TRIM71: variants seen among roughly 807,000 people sequenced by gnomAD.
TRIM71 encodes the protein E3 ubiquitin-protein ligase TRIM71.
In TRIM71, 9 loss-of-function variants were observed where a neutral mutation model predicts 61.2. The ratio of observed to expected loss-of-function variants is 0.15; its 90% confidence interval spans 0.09 to 0.26. TRIM71 has a LOEUF of 0.26. Among genes scored for constraint, TRIM71 ranks in the 10% least tolerant of loss-of-function variants. The pLI, the probability that TRIM71 is intolerant of heterozygous loss-of-function variation, is 1.00. For synonymous variants in TRIM71, 645 were observed against 553.2 expected, an observed-to-expected ratio of 1.17 and a Z score of -2.33; for missense variants, 998 against 1,238.7, an observed-to-expected ratio of 0.81 and a Z score of 2.92.
At chr3:32,872,629 A>G (rs1339932781) in intron 1 of TRIM71, among the ~76,000 whole-genome samples, 1 of 152,134 alleles carries the variant, frequency 6.6e-6, no homozygotes, top group Non-Finnish European at 1.5e-5. Context: ...GGAATCTCAC[A>G]TCCTGGATCT....
At chr3:32,879,157 G>T (rs1464712084) in intron 2 of TRIM71, among the ~76,000 whole-genome samples, 1 of 152,178 alleles carries the variant, frequency 6.6e-6, no homozygotes, top group Non-Finnish European at 1.5e-5. Context: ...ACCCTTCATA[G>T]CATTGAAGAG....
chr3:32,873,644 G>C (rs1696821614), intron 1 of TRIM71, among the ~76,000 whole-genome samples, 174 bp from the exon 2 acceptor site: 1 of 152,194 alleles, frequency 6.6e-6, no homozygotes, highest in Non-Finnish European at 1.5e-5. Flanking sequence ...AAAGGAAGCA[G>C]ATATTTTTAG....
intron 1 of TRIM71, among the ~76,000 whole-genome samples, chr3:32,861,407 C>A (rs914235779): frequency 6.0e-5 from 9 of 150,226 alleles, no homozygotes; most frequent in Admixed American, 3.3e-4. Context: ...GCTGGGATTA[C>A]AGGCATGAGC....
chr3:32,893,620 TAAGAG>T lies in TRIM71; in HGVS notation c.*1812_*1816del, dbSNP rs1575363206. 6.6e-6 allele frequency: 1 copy of T among 152,210 alleles called. No individual in the cohort carries two copies. Among genetic ancestry groups the T allele is most frequent in the East Asian group, 1.9e-4 (1 of 5,188 alleles). 9.4% of individuals were successfully genotyped at this position (152,210 alleles called of 1,614,324 possible). A position where few individuals can be genotyped will look rare whatever the true frequency, so the allele number is the denominator to read the frequency against. On this transcript the variant is annotated 3_prime_UTR_variant, in exon 4 of 4. Transcript: ENST00000383763. ...ATGGATCAACTTCTGTTCCTCTGTT[TAAGAG>T]AAATTTCTATTGCAAAATGGGTATC...
chr3:32,861,490 C>T (rs1217868862), intron 1 of TRIM71, among the ~76,000 whole-genome samples: 1 of 151,586 alleles, frequency 6.6e-6, no homozygotes, highest in African/African-American at 2.4e-5. Context: ...CCAAACACCT[C>T]GGCAGGCCAA....
Position 32,875,225 on chromosome 3 carries a change from C to T in TRIM71, c.1020+1240C>T, listed in dbSNP as rs189615945. On this transcript the variant is annotated intron_variant, in intron 2 of 3. Transcript: ENST00000383763. Reference sequence around the variant, plus strand: ...GAGGTTCGGTGTCTTCAGTCCTTTCCTGGATGGTGAATCCCCTGTAATTGA... The same window carrying T: ...GAGGTTCGGTGTCTTCAGTCCTTTCTTGGATGGTGAATCCCCTGTAATTGA... 8.4e-4 allele frequency among the ~76,000 whole-genome samples: 128 copies of T among 152,320 alleles called. No individual in the cohort carries two copies. The South Asian group carries it at 9.1e-3, about 11-fold the overall frequency.
intron 2 of TRIM71, among the ~76,000 whole-genome samples, chr3:32,885,226 C>G (rs1696947507): frequency 1.3e-5 from 2 of 152,196 alleles, no homozygotes; most frequent in South Asian, 4.1e-4. Context: ...GATTTAATAG[C>G]TCGGTATCTC....
At chr3:32,870,383 T>G (rs1312930544) in intron 1 of TRIM71, among the ~76,000 whole-genome samples, 2 of 152,192 alleles carry the variant, frequency 1.3e-5, no homozygotes, top group Non-Finnish European at 2.9e-5. Context: ...TGTCCCCATC[T>G]CTGTTGCAGG....
In TRIM71 at chr3:32,895,492, T is replaced by TA. The variant is rs1697067983; in HGVS notation, c.*3682dup. 6.6e-6 allele frequency: 1 copy of TA among 152,254 alleles called. No individual in the cohort carries two copies. Among genetic ancestry groups the TA allele is most frequent in the South Asian group, 2.1e-4 (1 of 4,834 alleles). The allele number at this position is 152,254 out of a possible 1,614,324, so 9.4% of individuals were successfully genotyped here. A position where few individuals can be genotyped will look rare whatever the true frequency, so the allele number is the denominator to read the frequency against. On this transcript the variant is annotated 3_prime_UTR_variant, in exon 4 of 4. Coordinates refer to ENST00000383763, the MANE Select transcript of TRIM71 (RefSeq NM_001039111.3). ...AGCAAAATACTGTTTATATATGTGT[T>TA]ACCTTCCTCGTTGGAAGATTCTACG...
intron 1 of TRIM71, among the ~76,000 whole-genome samples, chr3:32,870,124 A>G (rs963347375): frequency 2.0e-5 from 3 of 152,226 alleles, no homozygotes; most frequent in Admixed American, 1.3e-4. Context: ...TTGTTTTAAC[A>G]GCTCTAAAAT....
intron 1 of TRIM71, among the ~76,000 whole-genome samples, chr3:32,842,285 C>G (rs1439688300): frequency 1.3e-5 from 2 of 152,174 alleles, no homozygotes. Context: ...AGAGCCAAAC[C>G]ATGGTCTCAA....
intron 1 of TRIM71, among the ~76,000 whole-genome samples, chr3:32,830,306 G>T (rs1173117834): frequency 2.0e-5 from 3 of 152,084 alleles, no homozygotes; most frequent in Non-Finnish European, 4.4e-5. Context: ...AAGCATAAAT[G>T]GGCTCTGGTC....
At chr3:32,852,112 T>A (rs1013550710) in intron 1 of TRIM71, among the ~76,000 whole-genome samples, 2 of 152,136 alleles carry the variant, frequency 1.3e-5, no homozygotes, top group African/African-American at 2.4e-5. Context: ...CCAGGCTGTT[T>A]TATGGTCGGT....
intron 1 of TRIM71, among the ~76,000 whole-genome samples, chr3:32,828,341 T>C (rs747186562): frequency 3.3e-5 from 5 of 152,108 alleles, no homozygotes; most frequent in Non-Finnish European, 7.4e-5. Flanking sequence ...CAAGTGTCTA[T>C]TATTTGGCTT....
chr3:32,861,171 A>C (rs1190452655), intron 1 of TRIM71, among the ~76,000 whole-genome samples: 1 of 151,824 alleles, frequency 6.6e-6, no homozygotes, highest in Non-Finnish European at 1.5e-5. Context: ...TCTCAATAAA[A>C]TAAAGTAAAT....
chr3:32,895,501 C>T lies in TRIM71; in HGVS notation c.*3690C>T, dbSNP rs560790154. ...CTGTTTATATATGTGTTACCTTCCT[C>T]GTTGGAAGATTCTACGATTGCTCTG... On this transcript the variant is annotated 3_prime_UTR_variant, in exon 4 of 4. Transcript: ENST00000383763. The T allele has an allele frequency of 2.0e-5, 3 of 152,284 alleles. No homozygotes were observed. The highest frequency in any genetic ancestry group is 7.2e-5 in the African/African-American group (3 of 41,568). 9.4% of individuals were successfully genotyped at this position (152,284 alleles called of 1,614,324 possible).
At chr3:32,820,247 T>C (rs1007190806) in intron 1 of TRIM71, among the ~76,000 whole-genome samples, 1 of 152,192 alleles carries the variant, frequency 6.6e-6, no homozygotes, top group African/African-American at 2.4e-5. Flanking sequence ...GCCGCTGCCT[T>C]TTCCACTCCT....
In TRIM71 at chr3:32,893,900, TA is replaced by T. The variant is rs2125694419; in HGVS notation, c.*2093del. 1 of 152,000 alleles carries T rather than the reference TA, an allele frequency of 6.6e-6. No individual in the cohort carries two copies. Among genetic ancestry groups the T allele is most frequent in the African/African-American group, 2.4e-5 (1 of 41,490 alleles). The allele number at this position is 152,000 out of a possible 1,614,324, so 9.4% of individuals were successfully genotyped here. ...TCTCACAGAGGAGAACTGCATGCAA[TA>T]AAAGATTCAAAAGTTGGAAAGTAGC... is the stretch of plus-strand genomic sequence containing the variant. On this transcript the variant is annotated 3_prime_UTR_variant, in exon 4 of 4. Coordinates refer to ENST00000383763, the MANE Select transcript of TRIM71 (RefSeq NM_001039111.3).
rs187428051 is a variant in TRIM71 at position 32,829,774 on chromosome 3, G to T, written c.852+10842G>T. Among the ~76,000 whole-genome samples, 129 of 151,880 alleles carry T rather than the reference G, an allele frequency of 8.5e-4. 1 individual carries two copies. Among genetic ancestry groups the T allele is most frequent in the African/African-American group, 3.1e-3 (127 of 41,400 alleles). ...AATGGGAATGCTGAGGCCTGGTTAT[G>T]AAATGACTTCATCAGAAACTGTCCT... On this transcript the variant is annotated intron_variant, in intron 1 of 3. Transcript: ENST00000383763.
Sources: gnomAD v4.1 joint callset for allele counts (sites outside exome capture counted in the v4.1 genomes callset) on GRCh38, gnomAD v4.1.1 for gene constraint, MANE v1.5 for transcripts, NCBI Gene and HGNC (gene_info 2026-07-23, HGNC 2026-07-21) for gene names.